The following MYH13 variants were observed in gnomAD, a reference collection of about 807,000 sequenced individuals.
The protein encoded by MYH13 is myosin-13.
In MYH13, 177 loss-of-function variants were observed where a neutral mutation model predicts 232.1. The ratio of observed to expected loss-of-function variants is 0.76; its 90% confidence interval spans 0.67 to 0.86. The LOEUF (loss-of-function observed/expected upper bound fraction) is 0.86, where lower values mean the gene tolerates loss of function less well. MYH13 is among the 40% of genes least tolerant of loss of function. MYH13 has a pLI of 0.00. For missense variants in MYH13, 2,246 were observed against 2,405.9 expected (o/e 0.93, Z 1.39); for synonymous variants, 884 against 923.5 (o/e 0.96, Z 0.78).
chr17:10,326,147 T>G (rs992767362), intron 22 of MYH13, among the ~76,000 whole-genome samples: 3 of 152,178 alleles, frequency 2.0e-5, no homozygotes, highest in Admixed American at 2.0e-4. Flanking sequence ...ACTCTGACTA[T>G]GCCCATTTTA....
chr17:10,355,167 C>G lies in MYH13; in HGVS notation c.739-20G>C, dbSNP rs1462163170. 1.3e-6 allele frequency: 2 copies of G among 1,559,386 alleles called. No homozygotes were observed. The highest frequency in any genetic ancestry group is 1.7e-4 in the Middle Eastern group (1 of 6,020). On this transcript the variant is annotated intron_variant, in intron 8 of 40. Transcript: ENST00000252172. ...CTTCCCCTGTCCAATAACAGGTGGA[C>G]AAATGTTACGGTTATTTGATTTATA...
At chr17:10,330,652 T>C in intron 20 of MYH13, 129 bp from the exon 21 acceptor site, 2 of 1,291,866 alleles carry the variant, frequency 1.5e-6, no homozygotes. Context: ...GCAATTCTGT[T>C]TCCAGGACTT....
rs774852259 is a variant in MYH13 at position 10,346,794 on chromosome 17, A to C, written c.1149T>G (p.Ala383=). 2 of 1,612,972 alleles carry C rather than the reference A, an allele frequency of 1.2e-6. No individual in the cohort carries two copies. The highest frequency in any genetic ancestry group is 4.5e-5 in the East Asian group (2 of 44,872). Reference sequence around the variant, plus strand: ...GTCCCATCAGGTATCCGGCTTTGTCAGCCACTGAAGGAAGAGAAAAAAATG... The same window carrying C: ...GTCCCATCAGGTATCCGGCTTTGTCCGCCACTGAAGGAAGAGAAAAAAATG... ...EQAEPDGTEV[A]DKAGYLMGLN... is the part of the protein sequence containing the mutation. Residue 383 remains alanine (A), a synonymous_variant, in exon 13 of 41, where the codon GCT becomes GCG. Coordinates refer to ENST00000252172, the MANE Select transcript of MYH13 (RefSeq NM_003802.3).
chr17:10,345,019 C>G (rs1351574296), intron 15 of MYH13, among the ~76,000 whole-genome samples, 183 bp downstream of exon 15: 1 of 152,086 alleles, frequency 6.6e-6, no homozygotes. Flanking sequence ...ACCCGTAAAC[C>G]TCTTTAAGTG....
chr17:10,319,669 AGCTCT>A (rs929832991), intron 26 of MYH13, among the ~76,000 whole-genome samples: 75 of 152,340 alleles, frequency 4.9e-4, no homozygotes, highest in Middle Eastern at 6.8e-3. Flanking sequence ...TATCATGGAT[AGCTCT>A]GCAGATCATG....
At chr17:10,325,039 T>A (rs1188086691) in intron 22 of MYH13, 1 of 150,880 alleles carries the variant, frequency 6.6e-6, no homozygotes, top group African/African-American at 2.4e-5. Context: ...TCCCAGCTTG[T>A]CTCAAACTTT....
In MYH13 at chr17:10,346,706, C is replaced by T. The variant is rs1567668771; in HGVS notation, c.1237G>A (p.Val413Ile). The change falls in exon 13 of 41, where the codon GTC becomes ATC. Residue 413 changes from valine to isoleucine, a missense_variant. Physicochemically the swap from Val to Ile is conservative, Grantham distance 29 (BLOSUM62 3). Coordinates refer to ENST00000252172, the MANE Select transcript of MYH13 (RefSeq NM_003802.3). The part of the protein sequence containing the change: ...CPRVKVGNEY[V>I]TKGQNVQQVT... ...TGCTGGACATTTTGCCCTTTAGTGA[C>T]ATATTCATTGCCAACCTTCACCCTT... The T allele has an allele frequency of 1.2e-6, 2 of 1,613,734 alleles. No individual in the cohort carries two copies. Among genetic ancestry groups the T allele is most frequent in the African/African-American group, 2.7e-5 (2 of 74,926 alleles).
At chr17:10,343,723 G>C in intron 16 of MYH13, 77 bp downstream of exon 16, 2 of 1,430,040 alleles carry the variant, frequency 1.4e-6, no homozygotes, top group Non-Finnish European at 1.9e-6. Context: ...CTGATTACTG[G>C]TTCTTCACAA....
Position 10,303,457 on chromosome 17 carries a change from C to G in MYH13, c.5508G>C (p.Arg1836Ser), listed in dbSNP as rs372183463. 5.0e-6 allele frequency: 8 copies of G among 1,613,882 alleles called. No homozygotes were observed. Among genetic ancestry groups the G allele is most frequent in the Non-Finnish European group, 6.8e-6 (8 of 1,179,896 alleles). Residue 1836 changes from arginine to serine, a missense_variant, in exon 38 of 41, where the codon AGG becomes AGC. Coordinates refer to ENST00000252172, the MANE Select transcript of MYH13 (RefSeq NM_003802.3). ...LENELDVEQK[R>S]GAEALKGAHK... ...GGGCTCCCTTCAGGGCTTCAGCTCCCCTCTTCTGTTCCACATCAAGCTCAT... is the reference window on the plus strand; with the variant it reads ...GGGCTCCCTTCAGGGCTTCAGCTCCGCTCTTCTGTTCCACATCAAGCTCAT...
At chr17:10,313,840 G>A (rs1906606785) in intron 29 of MYH13, among the ~76,000 whole-genome samples, 1 of 152,228 alleles carries the variant, frequency 6.6e-6, no homozygotes, top group African/African-American at 2.4e-5. Context: ...GGTATGGAAT[G>A]CTGTGACCAG....
chr17:10,313,355 C>G lies in MYH13; in HGVS notation c.3985-1G>C. 1 of 1,614,236 alleles carries G rather than the reference C, an allele frequency of 6.2e-7. No homozygotes were observed. ...GGGCGTGCGCCATGGCGTTCTTGGCCTGGGAATGACAGCGGTGACAAATTG... is the reference window on the plus strand; with the variant it reads ...GGGCGTGCGCCATGGCGTTCTTGGCGTGGGAATGACAGCGGTGACAAATTG... On this transcript the variant is annotated splice_acceptor_variant, in intron 29 of 40. Coordinates refer to ENST00000252172, the MANE Select transcript of MYH13 (RefSeq NM_003802.3). LOFTEE classifies it high-confidence loss of function.
Position 10,345,258 on chromosome 17 carries a change from A to C in MYH13, c.1528T>G (p.Trp510Gly). 6.2e-7 allele frequency: 1 copy of C among 1,614,084 alleles called. No homozygotes were observed. Among genetic ancestry groups the C allele is most frequent in the Non-Finnish European group, 8.5e-7 (1 of 1,179,998 alleles). ...QEEYKKEGIE[W>G]EFIDFGMDLA... ...TCCATTCCGAAGTCAATGAACTCCC[A>C]CTCGATGCCTTCCTTCTTGTACTCT... The change falls in exon 15 of 41, where the codon TGG (tryptophan) becomes GGG (glycine). Residue 510 changes from tryptophan (W) to glycine (G), a missense_variant. Transcript: ENST00000252172.
intron 35 of MYH13, among the ~76,000 whole-genome samples, chr17:10,308,041 G>A (rs1318792351): frequency 6.6e-6 from 1 of 152,090 alleles, no homozygotes; most frequent in Non-Finnish European, 1.5e-5. Context: ...TAAAGATGTC[G>A]AAGCTGGGCA....
At chr17:10,301,486 C>T (rs956405004) in intron 40 of MYH13, 83 bp downstream of exon 40, 6 of 1,577,720 alleles carry the variant, frequency 3.8e-6, no homozygotes, top group African/African-American at 2.7e-5. Context: ...TGGCCTCCCA[C>T]ACTCAGGCAT....
intron 2 of MYH13, among the ~76,000 whole-genome samples, chr17:10,366,994 C>T (rs1418514310): frequency 6.6e-6 from 1 of 152,224 alleles, no homozygotes; most frequent in Non-Finnish European, 1.5e-5. Flanking sequence ...TCAAATGCAG[C>T]ACCCACAAAT....
At chr17:10,361,675 G>T (rs1419021506) in intron 5 of MYH13, among the ~76,000 whole-genome samples, 1 of 152,196 alleles carries the variant, frequency 6.6e-6, no homozygotes, top group Non-Finnish European at 1.5e-5. Context: ...ATCATGGCAT[G>T]ACAGTGTTAC....
intron 3 of MYH13, among the ~76,000 whole-genome samples, chr17:10,362,791 C>T (rs1371730642): frequency 1.3e-5 from 2 of 152,146 alleles, no homozygotes; most frequent in African/African-American, 2.4e-5. Context: ...AGCCCTTTGC[C>T]TCTGTTTACC....
intron 11 of MYH13, among the ~76,000 whole-genome samples, chr17:10,353,209 T>C (rs77711493): frequency 0.14 from 20,753 of 152,200 alleles, 1,451 homozygotes; most frequent in East Asian, 0.16. Flanking sequence ...TCTCTGAGCC[T>C]CTCCAGGTGC....
intron 13 of MYH13, 129 bp from the exon 14 acceptor site, chr17:10,345,745 A>G (rs1597385541): frequency 6.6e-7 from 1 of 1,518,280 alleles, no homozygotes; most frequent in East Asian, 2.3e-5. Context: ...CTGTAATCCC[A>G]GCACTTTGGG....
Sources: allele counts gnomAD v4.1 joint callset (sites outside exome capture counted in the v4.1 genomes callset), GRCh38; gene constraint gnomAD v4.1.1; transcripts MANE v1.5; gene names NCBI Gene and HGNC (gene_info 2026-07-23, HGNC 2026-07-21).